Variants in PHYKPL observed in about 807,000 individuals in gnomAD.
PHYKPL encodes the protein 5-phosphonooxy-L-lysine phospho-lyase.
Under a neutral mutation model 51.3 loss-of-function variants are expected in PHYKPL, and 42 were observed. The observed-to-expected ratio is 0.82, with a 90% CI of 0.64 to 1.06. The LOEUF (loss-of-function observed/expected upper bound fraction) is 1.06, where lower values mean the gene tolerates loss of function less well. Ranked by LOEUF, PHYKPL falls within the 50% of genes least tolerant of loss-of-function variation. PHYKPL has a pLI of 0.00. For missense variants in PHYKPL, 655 were observed against 586.6 expected (o/e 1.12, Z -1.20); for synonymous variants, 264 against 236.0 (o/e 1.12, Z -1.09).
chr5:178,212,638 T>C (rs1758811085), intron 11 of PHYKPL, among the ~76,000 whole-genome samples: 1 of 152,238 alleles, frequency 6.6e-6, no homozygotes, highest in African/African-American at 2.4e-5. Context: ...CATCCTAGGC[T>C]GGCGGTAATG....
chr5:178,218,928 T>G (rs544606235), intron 8 of PHYKPL, among the ~76,000 whole-genome samples: 17 of 152,132 alleles, frequency 1.1e-4, no homozygotes, highest in East Asian at 1.9e-4. Flanking sequence ...GAGCCAACAT[T>G]TTACTCCTGA....
In PHYKPL at chr5:178,225,071, G is replaced by A. The variant is rs1762018419; in HGVS notation, c.413+284C>T. 8.8e-6 allele frequency: 5 copies of A among 565,756 alleles called. No individual in the cohort carries two copies. The South Asian group carries it at 9.2e-5, about 10-fold the overall frequency. The allele number at this position is 565,756 out of a possible 1,614,324, so 35.0% of individuals were successfully genotyped here. On this transcript the variant is annotated intron_variant, in intron 4 of 12. Transcript: ENST00000308158. ...GTGCACATCACATACTCAATTCATG[G>A]GAGCTACTGCTGGAGTAGTTTGAAC... is the stretch of plus-strand genomic sequence containing the variant.
At position 178,212,102 on chromosome 5, in the gene PHYKPL, C is replaced by T. The variant is rs934962417; in HGVS notation, c.1304-132G>A. On this transcript the variant is annotated intron_variant, in intron 11 of 12. Transcript: ENST00000308158. ...TGGCTATCCACACCCATGTCCCATT[C>T]CCCAAAGGGGTGGCAGCAGTTTCCT... 1.7e-5 allele frequency: 15 copies of T among 889,378 alleles called. No individual in the cohort carries two copies. In the East Asian group the frequency reaches 3.6e-4, roughly 21 times the overall value. 55.1% of individuals were successfully genotyped at this position (889,378 alleles called of 1,614,324 possible). A position where few individuals can be genotyped will look rare whatever the true frequency, so the allele number is the denominator to read the frequency against.
chr5:178,209,619 T>C (rs1561669167), intron 12 of PHYKPL, among the ~76,000 whole-genome samples: 1 of 152,162 alleles, frequency 6.6e-6, no homozygotes, highest in Admixed American at 6.5e-5. Context: ...CTTGAGGCTG[T>C]TGCCTGCTGC....
rs527306318 is a variant in PHYKPL, at chr5:178,225,434, G to A, written c.339-5C>T. On this transcript the variant is annotated splice_polypyrimidine_tract_variant and splice_region_variant and intron_variant, in intron 3 of 12. Transcript: ENST00000308158. The stretch of plus-strand genomic sequence containing the variant: ...GCCAGGTCATTGGCTTCTGACCTAT[G>A]ACCGAAAAGGTGGGCATGACTGAGA... The A allele has an allele frequency of 3.7e-4, 603 of 1,614,142 alleles. 7 individuals are homozygous for A. In the South Asian group the frequency reaches 6.3e-3, roughly 17 times the overall value.
chr5:178,230,416 GT>G, intron 2 of PHYKPL: 1 of 282,430 alleles, frequency 3.5e-6, no homozygotes, highest in South Asian at 4.4e-5. Context: ...AGTGTATGGT[GT>G]GATCATGGCA....
chr5:178,211,626 G>A, intron 12 of PHYKPL: 1 of 434,176 alleles, frequency 2.3e-6, no homozygotes, highest in Non-Finnish European at 4.2e-6. Flanking sequence ...CATAAGACTA[G>A]GTGGTTACAA....
intron 3 of PHYKPL, chr5:178,228,559 A>G (rs1340302681): frequency 1.4e-6 from 1 of 702,600 alleles, no homozygotes; most frequent in African/African-American, 1.7e-5. Context: ...TCTGGGCTCA[A>G]GTTCCTTTCT....
At chr5:178,229,865 A>AC in intron 3 of PHYKPL, 75 bp downstream of exon 3, 1 of 1,565,434 alleles carries the variant, frequency 6.4e-7, no homozygotes, top group Non-Finnish European at 8.7e-7. Flanking sequence ...CAGCTACACT[A>AC]CACTGGGCCC....
Position 178,209,081 on chromosome 5 carries a change from G to A in PHYKPL, c.*32-166C>T, listed in dbSNP as rs78891792. ...CCAGTTGCCTGCCTCCATTAGATAC[G>A]GAGTTGCTCTGGGGCTGAGATGCCC... On this transcript the variant is annotated intron_variant, in intron 12 of 12. Transcript: ENST00000308158. 5.8e-3 allele frequency among the ~76,000 whole-genome samples: 883 copies of A among 152,304 alleles called. 6 individuals carry two copies. Among genetic ancestry groups the A allele is most frequent in the Non-Finnish European group, 0.01 (708 of 68,032 alleles).
In PHYKPL at chr5:178,232,486, G is replaced by A. The variant is rs1169715381; in HGVS notation, c.59+6C>T. On this transcript the variant is annotated splice_donor_region_variant and intron_variant, in intron 1 of 12. Coordinates refer to ENST00000308158, the MANE Select transcript of PHYKPL (RefSeq NM_153373.4). Reference sequence around the variant, plus strand: ...GCCCCCCGCCGCCCGCCCCCCGCCCGGGTACCTGATGAGCCGTTGCCTCAG... The same window carrying A: ...GCCCCCCGCCGCCCGCCCCCCGCCCAGGTACCTGATGAGCCGTTGCCTCAG... The A allele has an allele frequency of 5.0e-6, 6 of 1,201,924 alleles. No individual in the cohort carries two copies. Among genetic ancestry groups the A allele is most frequent in the East Asian group, 5.0e-5 (1 of 20,034 alleles). 74.5% of individuals were successfully genotyped at this position (1,201,924 alleles called of 1,614,324 possible). A position where few individuals can be genotyped will look rare whatever the true frequency, so the allele number is the denominator to read the frequency against.
chr5:178,212,333 C>T (rs754494535), intron 11 of PHYKPL, among the ~76,000 whole-genome samples: 7 of 152,232 alleles, frequency 4.6e-5, no homozygotes, highest in Non-Finnish European at 2.9e-5. Flanking sequence ...GCAGTGATCA[C>T]CCAGAGGTAG....
chr5:178,213,222 CAG>C, intron 10 of PHYKPL, 119 bp from the exon 11 acceptor site: 2 of 1,381,070 alleles, frequency 1.4e-6, no homozygotes, highest in African/African-American at 2.9e-5. Context: ...CAGTTCCTGC[CAG>C]GTCATTTTAC....
At position 178,215,261 on chromosome 5, in the gene PHYKPL, C is replaced by T. The variant is rs765747332; in HGVS notation, c.1082+15G>A. 6 of 1,613,648 alleles carry T rather than the reference C, an allele frequency of 3.7e-6. No individual in the cohort carries two copies. The East Asian group carries it at 1.3e-4, about 36-fold the overall frequency. On this transcript the variant is annotated intron_variant, in intron 9 of 12. Coordinates refer to ENST00000308158, the MANE Select transcript of PHYKPL (RefSeq NM_153373.4). ...CTTGGCAGGTGGGTGGTGACTGCTG[C>T]CCCCAGAGCCTCACCTGACATCCCC...
chr5:178,217,553 T>C (rs867170824), intron 8 of PHYKPL, among the ~76,000 whole-genome samples: 78 of 140,516 alleles, frequency 5.6e-4, no homozygotes, highest in African/African-American at 2.0e-3. Context: ...GATGAAAGAA[T>C]CAGTGAAAAA....
intron 9 of PHYKPL, 108 bp from the exon 10 acceptor site, chr5:178,214,993 A>C: frequency 1.0e-6 from 1 of 979,752 alleles, no homozygotes; most frequent in South Asian, 1.5e-5. Flanking sequence ...TGAGTGCAGG[A>C]GGCACCTTCA....
chr5:178,216,497 C>T (rs535955343), intron 8 of PHYKPL: 3 of 152,264 alleles, frequency 2.0e-5, no homozygotes, highest in Admixed American at 6.5e-5. Context: ...TGACAAAGAA[C>T]ACAACTTTAC....
At chr5:178,224,801 T>TC (rs747182291) in intron 4 of PHYKPL, 72 bp from the exon 5 acceptor site, 274 of 1,234,634 alleles carry the variant, frequency 2.2e-4, no homozygotes, top group Non-Finnish European at 3.1e-4. Context: ...GACCATCGTC[T>TC]CCCCACCCCT....
chr5:178,223,043 C>T (rs907145339), intron 6 of PHYKPL, 109 bp from the exon 7 acceptor site: 1 of 1,010,102 alleles, frequency 9.9e-7, no homozygotes, highest in Non-Finnish European at 1.5e-6. Flanking sequence ...ACCATCAGTG[C>T]TGCACCCCTA....
Sources: gnomAD v4.1 joint callset for allele counts (sites outside exome capture counted in the v4.1 genomes callset) on GRCh38, gnomAD v4.1.1 for gene constraint, MANE v1.5 for transcripts, NCBI Gene and HGNC (gene_info 2026-07-23, HGNC 2026-07-21) for gene names.